Variants in LTBP1 observed in about 807,000 individuals in gnomAD.
The protein encoded by LTBP1 is latent transforming growth factor beta binding protein 1.
In LTBP1, 129 loss-of-function variants were observed where a neutral mutation model predicts 207.6. The ratio of observed to expected loss-of-function variants is 0.62; its 90% CI spans 0.54 to 0.72. The LOEUF (loss-of-function observed/expected upper bound fraction) is 0.72, where lower values mean the gene tolerates loss of function less well. Among genes scored for constraint, LTBP1 ranks in the 30% least tolerant of loss-of-function variants. The probability of loss-of-function intolerance (pLI) is 0.00; values close to 1 mark genes in which losing one functional copy is unlikely to be tolerated. For synonymous variants in LTBP1, 963 were observed against 833.7 expected (o/e 1.16, Z -2.67); for missense variants, 2,281 against 2,217.2 (o/e 1.03, Z -0.58).
At chr2:33,072,608 C>T (rs1011605775) in intron 3 of LTBP1, among the ~76,000 whole-genome samples, 1 of 152,072 alleles carries the variant, frequency 6.6e-6, no homozygotes, top group African/African-American at 2.4e-5. Context: ...GAAAAAAGTG[C>T]AGGTGAAAGG....
chr2:33,205,092 A>G (rs538002016), intron 7 of LTBP1, among the ~76,000 whole-genome samples: 1 of 152,306 alleles, frequency 6.6e-6, no homozygotes, highest in African/African-American at 2.4e-5. Context: ...GTGCTGACAT[A>G]TGCACAGGCC....
intron 31 of LTBP1, among the ~76,000 whole-genome samples, chr2:33,380,934 A>AT (rs1405780916): frequency 1.3e-5 from 2 of 152,198 alleles, no homozygotes; most frequent in African/African-American, 4.8e-5. Flanking sequence ...TAAAAAAAAA[A>AT]TTTCAGCTTG....
chr2:32,951,256 C>T (rs1285154653), intron 2 of LTBP1, among the ~76,000 whole-genome samples: 2 of 152,230 alleles, frequency 1.3e-5, no homozygotes, highest in Non-Finnish European at 2.9e-5. Context: ...GAAGATTAAC[C>T]TTCCTGTACT....
intron 5 of LTBP1, among the ~76,000 whole-genome samples, chr2:33,184,548 A>G (rs1345649332): frequency 3.3e-5 from 5 of 152,184 alleles, no homozygotes; most frequent in African/African-American, 1.2e-4. Context: ...TGTGAAGTCT[A>G]TTTTAACTTC....
chr2:33,091,171 T>C (rs1323672101), intron 3 of LTBP1, among the ~76,000 whole-genome samples: 3 of 152,194 alleles, frequency 2.0e-5, no homozygotes, highest in African/African-American at 7.2e-5. Context: ...TGTATGTATG[T>C]GTGTGCATGC....
intron 31 of LTBP1, among the ~76,000 whole-genome samples, chr2:33,388,964 A>G (rs921710957): frequency 2.0e-5 from 3 of 152,144 alleles, no homozygotes; most frequent in African/African-American, 4.8e-5. Context: ...TTGATCTTCA[A>G]TTTGGAACCT....
At chr2:33,174,988 C>T (rs1199512358) in intron 5 of LTBP1, among the ~76,000 whole-genome samples, 7 of 151,998 alleles carry the variant, frequency 4.6e-5, no homozygotes, top group Non-Finnish European at 1.0e-4. Context: ...CTTCCTTACA[C>T]CTTATACAAA....
intron 20 of LTBP1, among the ~76,000 whole-genome samples, chr2:33,296,583 A>G (rs1199309431): frequency 6.6e-6 from 1 of 152,180 alleles, no homozygotes; most frequent in East Asian, 1.9e-4. Flanking sequence ...CACATGTTGA[A>G]TGAATGGCTC....
intron 2 of LTBP1, among the ~76,000 whole-genome samples, chr2:32,959,607 A>ATGTG (rs1478579576): frequency 1.6e-4 from 6 of 37,030 alleles, no homozygotes; most frequent in African/African-American, 2.0e-4. Flanking sequence ...GTATATATAT[A>ATGTG]TATATATATA....
rs1354352793 is a variant in LTBP1, at chr2:33,309,613, T to C, written c.3604+57T>C. On this transcript the variant is annotated intron_variant, in intron 23 of 33. Coordinates refer to ENST00000404816, the MANE Select transcript of LTBP1 (RefSeq NM_206943.4). ...TTTACGTAATTCTTCAATTCTGCCA[T>C]GTTGCCAGATGATAGTCTGTGGTTT... The C allele has an allele frequency of 5.1e-6, 8 of 1,563,172 alleles. No homozygotes were observed. In the East Asian group the frequency reaches 1.6e-4, roughly 31 times the overall value.
chr2:33,259,081 A>G (rs79971818), intron 12 of LTBP1, among the ~76,000 whole-genome samples: 3 of 152,170 alleles, frequency 2.0e-5, no homozygotes, highest in African/African-American at 4.8e-5. Flanking sequence ...GAAAATATTC[A>G]CGGGGCTTCA....
At chr2:33,309,397 T>G in intron 22 of LTBP1, 37 bp from the exon 23 acceptor site, 1 of 1,500,840 alleles carries the variant, frequency 6.7e-7, no homozygotes, top group Non-Finnish European at 9.0e-7. Flanking sequence ...GATATGTGAT[T>G]TATTTAGTCT....
intron 3 of LTBP1, among the ~76,000 whole-genome samples, chr2:33,099,867 C>G (rs2079617359): frequency 6.6e-6 from 1 of 152,204 alleles, no homozygotes; most frequent in Non-Finnish European, 1.5e-5. Flanking sequence ...AACAGCTTCT[C>G]TGACATCTTC....
At chr2:32,978,206 T>C (rs1450873029) in intron 2 of LTBP1, among the ~76,000 whole-genome samples, 3 of 152,310 alleles carry the variant, frequency 2.0e-5, no homozygotes, top group Admixed American at 6.5e-5. Flanking sequence ...ATGCCCTTTA[T>C]TTCTTTCTCT....
chr2:33,300,424 G>C (rs1301347768), intron 20 of LTBP1, 27 bp from the exon 21 acceptor site: 2 of 1,608,458 alleles, frequency 1.2e-6, no homozygotes, highest in Admixed American at 3.3e-5. Flanking sequence ...CTCTTTTTCA[G>C]AAAAATTGCC....
chr2:33,169,797 A>AT (rs1446992849), intron 5 of LTBP1, among the ~76,000 whole-genome samples: 1 of 152,244 alleles, frequency 6.6e-6, no homozygotes, highest in Non-Finnish European at 1.5e-5. Flanking sequence ...AATCATTAAC[A>AT]TTCTAAGAGA....
intron 32 of LTBP1, among the ~76,000 whole-genome samples, chr2:33,393,431 T>TCCCTCCC (rs2095333175): frequency 7.2e-6 from 1 of 138,634 alleles, no homozygotes; most frequent in Non-Finnish European, 1.6e-5. Context: ...CCTAAAGCTA[T>TCCCTCCC]CCCTCCCCCC....
intron 15 of LTBP1, among the ~76,000 whole-genome samples, chr2:33,270,988 A>G (rs2093308725): frequency 6.6e-6 from 1 of 152,224 alleles, no homozygotes; most frequent in South Asian, 2.1e-4. Context: ...AAAGAGTTAT[A>G]CTTCTTCACT....
At chr2:33,154,608 AC>A (rs2083804923) in intron 5 of LTBP1, among the ~76,000 whole-genome samples, 1 of 152,174 alleles carries the variant, frequency 6.6e-6, no homozygotes, top group African/African-American at 2.4e-5. Flanking sequence ...TGGGCAGTTG[AC>A]CTTTCTACTT....
Sources: gnomAD v4.1 joint callset for allele counts (sites outside exome capture counted in the v4.1 genomes callset) on GRCh38, gnomAD v4.1.1 for gene constraint, MANE v1.5 for transcripts, NCBI Gene and HGNC (gene_info 2026-07-23, HGNC 2026-07-21) for gene names.